Variants in ADAMTS9 observed in about 807,000 individuals in gnomAD.
The protein encoded by ADAMTS9 is ADAM metallopeptidase with thrombospondin type 1 motif 9.
Under a neutral mutation model 257.1 loss-of-function variants are expected in ADAMTS9, and 107 were observed. That is an observed-to-expected ratio of 0.42 (90% CI 0.36 to 0.49). ADAMTS9 has a LOEUF of 0.49. Among genes scored for constraint, ADAMTS9 ranks in the 20% least tolerant of loss-of-function variants. The pLI is 0.03. For missense variants in ADAMTS9, 2,353 were observed against 2,469.1 expected (o/e 0.95, Z 1.00); for synonymous variants, 982 against 880.9 (o/e 1.11, Z -2.03).
At chr3:64,522,336 C>T (rs1358900601) in intron 38 of ADAMTS9, 76 bp from the exon 39 acceptor site, 14 of 1,271,180 alleles carry the variant, frequency 1.1e-5, no homozygotes, top group African/African-American at 4.4e-5. Flanking sequence ...TTTGGGAAAA[C>T]GTTCTTATAC....
At chr3:64,518,763 C>CTTTTTTTTT (rs1491154708) in intron 39 of ADAMTS9, among the ~76,000 whole-genome samples, 1 of 88,714 alleles carries the variant, frequency 1.1e-5, no homozygotes, top group Admixed American at 1.4e-4. Flanking sequence ...ATTACCTTTT[C>CTTTTTTTTT]ATTTTTTTTT....
At chr3:64,636,609 C>G (rs991441598) in intron 12 of ADAMTS9, among the ~76,000 whole-genome samples, 4 of 152,078 alleles carry the variant, frequency 2.6e-5, no homozygotes, top group Admixed American at 2.0e-4. Flanking sequence ...AAACCCAGCC[C>G]GCCATTGATT....
chr3:64,672,936 T>C (rs1701528761), intron 3 of ADAMTS9, among the ~76,000 whole-genome samples: 1 of 151,682 alleles, frequency 6.6e-6, no homozygotes, highest in Admixed American at 6.6e-5. Context: ...CTTTTCTATG[T>C]TTAGATACAC....
intron 28 of ADAMTS9, among the ~76,000 whole-genome samples, chr3:64,591,307 G>A (rs1381056223): frequency 6.6e-6 from 1 of 152,020 alleles, no homozygotes; most frequent in Non-Finnish European, 1.5e-5. Context: ...AGGTGTGGTG[G>A]TGGGCACCTA....
At chr3:64,616,691 C>A (rs9830611) in intron 19 of ADAMTS9, among the ~76,000 whole-genome samples, 2,224 of 151,722 alleles carry the variant, frequency 0.015, 66 homozygotes, top group African/African-American at 0.05. Flanking sequence ...CTTTTAATAC[C>A]CTAGGAATAT....
At chr3:64,673,265 A>G (rs946162421) in intron 3 of ADAMTS9, among the ~76,000 whole-genome samples, 1 of 151,712 alleles carries the variant, frequency 6.6e-6, no homozygotes, top group African/African-American at 2.4e-5. Flanking sequence ...GAGTCAAAAA[A>G]CCTCCCAAAG....
chr3:64,576,683 G>T (rs143059938), intron 28 of ADAMTS9, among the ~76,000 whole-genome samples: 1 of 152,146 alleles, frequency 6.6e-6, no homozygotes, highest in African/African-American at 2.4e-5. Flanking sequence ...AAGCGGATGT[G>T]GGAGTCACGG....
Position 64,651,023 on chromosome 3 carries a change from A to C in ADAMTS9, c.1457T>G (p.Phe486Cys). The change falls in exon 9 of 40, where the codon TTT becomes TGT. Residue 486 changes from phenylalanine (F) to cysteine (C), a missense_variant. Phe to Cys is a radical substitution (Grantham distance 205, BLOSUM62 -2). Around this residue, in one of 3 missense-constraint regions of ADAMTS9, gnomAD observed 360 missense variants for 458.1 expected, o/e 0.79. Coordinates refer to ENST00000498707, the MANE Select transcript of ADAMTS9 (RefSeq NM_182920.2). ...AAGAATGTTCAAGTCTTACTCTAAA[A>C]ACTCAGTGATATATTTTCGACTACA... ...SKCSRKYITE[F>C]LDTGYGECLL... 6.2e-7 allele frequency: 1 copy of C among 1,603,106 alleles called. No homozygotes were observed.
At chr3:64,615,152 A>G in intron 21 of ADAMTS9, 169 bp downstream of exon 21, 1 of 771,014 alleles carries the variant, frequency 1.3e-6, no homozygotes, top group Non-Finnish European at 2.1e-6. Context: ...TACATCCAGT[A>G]CGACAGTCAT....
chr3:64,621,516 T>C (rs1576126889), intron 18 of ADAMTS9, among the ~76,000 whole-genome samples: 1 of 152,060 alleles, frequency 6.6e-6, no homozygotes, highest in South Asian at 2.1e-4. Context: ...AATCCCAGCA[T>C]TTTGGGAGGC....
At chr3:64,541,002 C>T (rs570484863) in intron 36 of ADAMTS9, 93 bp downstream of exon 36, 3 of 1,518,914 alleles carry the variant, frequency 2.0e-6, no homozygotes, top group East Asian at 4.5e-5. Context: ...ATGTGCAATA[C>T]GCACCTCCCT....
intron 38 of ADAMTS9, among the ~76,000 whole-genome samples, chr3:64,525,915 G>T (rs1295729275): frequency 1.5e-5 from 2 of 134,032 alleles, no homozygotes; most frequent in African/African-American, 5.1e-5. Context: ...TAGTACAGTA[G>T]AAAAATTATA....
At position 64,687,803 on chromosome 3, in the gene ADAMTS9, C is replaced by T; in HGVS notation, c.-146G>A. 1.7e-6 allele frequency: 1 copy of T among 573,966 alleles called. No homozygotes were observed. 35.6% of individuals were successfully genotyped at this position (573,966 alleles called of 1,614,324 possible). On this transcript the variant is annotated 5_prime_UTR_variant, in exon 1 of 40. Transcript: ENST00000498707. The surrounding 1 kb of genome is among the most constrained non-coding windows in gnomAD (Gnocchi z 4.4). ...TTTTGACTTTAGGAGTCGCTGAGGT[C>T]TCGCTGCGAGGGTCCCGTCTGCGCT...
At chr3:64,620,866 C>A (rs370296829) in intron 19 of ADAMTS9, among the ~76,000 whole-genome samples, 4 of 152,188 alleles carry the variant, frequency 2.6e-5, no homozygotes, top group African/African-American at 9.7e-5. Flanking sequence ...TGAGGATCAA[C>A]TGAATTTTTT....
intron 3 of ADAMTS9, among the ~76,000 whole-genome samples, chr3:64,665,852 G>C (rs1576176237): frequency 6.6e-6 from 1 of 151,946 alleles, no homozygotes; most frequent in African/African-American, 2.4e-5. Flanking sequence ...CCTTTAAATG[G>C]GCATATAAAT....
chr3:64,621,877 C>G (rs918548737), intron 18 of ADAMTS9, among the ~76,000 whole-genome samples: 1 of 151,620 alleles, frequency 6.6e-6, no homozygotes, highest in Non-Finnish European at 1.5e-5. Context: ...CTCATTTAGA[C>G]AAAAGAAAAC....
Position 64,687,879 on chromosome 3 carries a change from G to A in ADAMTS9, c.-222C>T, listed in dbSNP as rs918300524. On this transcript the variant is annotated 5_prime_UTR_variant, in exon 1 of 40. Coordinates refer to ENST00000498707, the MANE Select transcript of ADAMTS9 (RefSeq NM_182920.2). The surrounding 1 kb of genome is among the most constrained non-coding windows in gnomAD (Gnocchi z 4.4). ...GAGAGCTGAGCCGCTCGGGCCGCAGGAGGAGCCGGAGGAGCAGGAGGAGGA... is the reference window on the plus strand; with the variant it reads ...GAGAGCTGAGCCGCTCGGGCCGCAGAAGGAGCCGGAGGAGCAGGAGGAGGA... 7.0e-5 allele frequency: 29 copies of A among 413,638 alleles called. No individual in the cohort carries two copies. Among genetic ancestry groups the A allele is most frequent in the Non-Finnish European group, 1.2e-4 (27 of 229,252 alleles). The allele number at this position is 413,638 out of a possible 1,614,324, so 25.6% of individuals were successfully genotyped here.
intron 37 of ADAMTS9, among the ~76,000 whole-genome samples, chr3:64,534,021 A>G (rs1222683169): frequency 6.6e-6 from 1 of 152,204 alleles, no homozygotes; most frequent in Non-Finnish European, 1.5e-5. Flanking sequence ...AATGACTCGC[A>G]AAGGCATCTG....
intron 28 of ADAMTS9, among the ~76,000 whole-genome samples, chr3:64,579,191 T>C (rs956872873): frequency 5.9e-5 from 9 of 152,142 alleles, no homozygotes; most frequent in Non-Finnish European, 1.0e-4. Flanking sequence ...ACATCCTCTG[T>C]TCTAGCCACA....
Sources: allele counts gnomAD v4.1 joint callset (sites outside exome capture counted in the v4.1 genomes callset), GRCh38; gene constraint gnomAD v4.1.1; regional missense constraint gnomAD v4.1.1; non-coding constraint Gnocchi (gnomAD v3.1); transcripts MANE v1.5; gene names NCBI Gene and HGNC (gene_info 2026-07-23, HGNC 2026-07-21).